HTRA1: variants seen among roughly 807,000 people sequenced by gnomAD.
HTRA1 encodes the protein HtrA serine peptidase 1, also known as serine protease HTRA1.
HTRA1 carries 26 observed loss-of-function variants against 49.7 expected under a neutral mutation model. The ratio of observed to expected loss-of-function variants is 0.52; its 90% CI spans 0.38 to 0.73. The LOEUF (loss-of-function observed/expected upper bound fraction) is 0.73, where lower values mean the gene tolerates loss of function less well. HTRA1 is among the 30% of genes least tolerant of loss of function. HTRA1 has a pLI of 0.00. For missense variants in HTRA1, 561 were observed against 667.2 expected, an observed-to-expected ratio of 0.84 and a Z score of 1.75; for synonymous variants, 291 against 286.9, an observed-to-expected ratio of 1.01 and a Z score of -0.14.
At chr10:122,468,402 GTCATCATCATCATCA>G (rs148200348) in intron 1 of HTRA1, among the ~76,000 whole-genome samples, 14 of 148,546 alleles carry the variant, frequency 9.4e-5, no homozygotes, top group African/African-American at 2.5e-4. Context: ...TGTTGTCATT[GTCATCATCATCATCA>G]TCATCATCAT....
At chr10:122,499,015 G>A (rs2097499832) in intron 3 of HTRA1, among the ~76,000 whole-genome samples, 1 of 152,020 alleles carries the variant, frequency 6.6e-6, no homozygotes, top group African/African-American at 2.4e-5. Context: ...TTCCAGCTTG[G>A]GCACCGCTTA....
rs573022453 is a variant in HTRA1, at chr10:122,464,196, C to T, written c.472+2072C>T. Among the ~76,000 whole-genome samples, 5 of 152,310 alleles carry T rather than the reference C, an allele frequency of 3.3e-5. No individual in the cohort carries two copies. The highest frequency in any genetic ancestry group is 1.2e-4 in the African/African-American group (5 of 41,556). On this transcript the variant is annotated intron_variant, in intron 1 of 8. Transcript: ENST00000368984. The surrounding 1 kb of genome is among the most constrained non-coding windows in gnomAD (Gnocchi z 4.8). Reference sequence around the variant, plus strand: ...CTGGTCTCGCTGTTTGTGGTCTCATCGCACGGGGTCCTGAGTTGCTGGCAC... The same window carrying T: ...CTGGTCTCGCTGTTTGTGGTCTCATTGCACGGGGTCCTGAGTTGCTGGCAC...
intron 3 of HTRA1, among the ~76,000 whole-genome samples, chr10:122,498,995 C>A (rs1410760367): frequency 6.6e-6 from 1 of 152,040 alleles, no homozygotes; most frequent in African/African-American, 2.4e-5. Context: ...AGGCACAGGG[C>A]AGTTCTAGGT....
intron 1 of HTRA1, among the ~76,000 whole-genome samples, chr10:122,486,573 T>G (rs2097493173): frequency 6.6e-6 from 1 of 152,138 alleles, no homozygotes; most frequent in Admixed American, 6.5e-5. Flanking sequence ...CTGTGCCCCA[T>G]GGTGTCAAGC....
chr10:122,500,336 G>T (rs2097500373), intron 3 of HTRA1, among the ~76,000 whole-genome samples: 1 of 152,234 alleles, frequency 6.6e-6, no homozygotes, highest in Non-Finnish European at 1.5e-5. Flanking sequence ...TGCCTGTTTG[G>T]ATCTTACTTA....
At chr10:122,463,509 T>C (rs1234178105) in intron 1 of HTRA1, among the ~76,000 whole-genome samples, 1 of 152,136 alleles carries the variant, frequency 6.6e-6, no homozygotes, top group Non-Finnish European at 1.5e-5. Context: ...TCTCTCTCTT[T>C]TTTTTTCTTA....
intron 6 of HTRA1, among the ~76,000 whole-genome samples, chr10:122,509,395 G>A (rs2097504574): frequency 6.6e-6 from 1 of 152,208 alleles, no homozygotes; most frequent in Non-Finnish European, 1.5e-5. Context: ...CTTCCAAGCT[G>A]AGGTCTGAGT....
At chr10:122,507,475 GTT>G in intron 5 of HTRA1, 73 bp downstream of exon 5, 1 of 1,138,794 alleles carries the variant, frequency 8.8e-7, no homozygotes, top group African/African-American at 1.5e-5. Flanking sequence ...TTGTTTGTTT[GTT>G]GTTTGTTTGT....
chr10:122,463,507 T>TC (rs2097482501), intron 1 of HTRA1, among the ~76,000 whole-genome samples: 2 of 151,284 alleles, frequency 1.3e-5, no homozygotes, highest in South Asian at 4.2e-4. Flanking sequence ...TCTCTCTCTC[T>TC]TTTTTTTTCT....
chr10:122,502,726 C>T (rs1369014659), intron 3 of HTRA1, among the ~76,000 whole-genome samples: 2 of 152,192 alleles, frequency 1.3e-5, no homozygotes, highest in Admixed American at 6.5e-5. Context: ...CTGTGCTGGG[C>T]TCACTGCAGA....
chr10:122,488,807 C>A, intron 1 of HTRA1, 95 bp from the exon 2 acceptor site: 2 of 969,974 alleles, frequency 2.1e-6, no homozygotes, highest in Non-Finnish European at 3.4e-6. Context: ...ATTCCAAAGG[C>A]TGGGCATGCA....
At chr10:122,463,838 A>G (rs972075354) in intron 1 of HTRA1, among the ~76,000 whole-genome samples, 1 of 152,184 alleles carries the variant, frequency 6.6e-6, no homozygotes, top group African/African-American at 2.4e-5. Context: ...CTGGACGTGC[A>G]TCCCCCTCAG....
chr10:122,481,775 C>T (rs1164488837), intron 1 of HTRA1, among the ~76,000 whole-genome samples: 2 of 152,176 alleles, frequency 1.3e-5, no homozygotes, highest in Non-Finnish European at 2.9e-5. Flanking sequence ...CTTTCCCGCA[C>T]TGTTCTCATG....
At chr10:122,485,019 T>G (rs2097492520) in intron 1 of HTRA1, among the ~76,000 whole-genome samples, 1 of 152,236 alleles carries the variant, frequency 6.6e-6, no homozygotes, top group South Asian at 2.1e-4. Flanking sequence ...CCAGGGTGTC[T>G]GTAGACCATC....
At position 122,483,466 on chromosome 10, in the gene HTRA1, CTTAG is replaced by C. The variant is rs772274415; in HGVS notation, c.473-5432_473-5429del. On this transcript the variant is annotated intron_variant, in intron 1 of 8. Coordinates refer to ENST00000368984, the MANE Select transcript of HTRA1 (RefSeq NM_002775.5). ...TGTTGTAACTTACCATTTTACAAAT[CTTAG>C]TTACTCAGTTTTTCTGCTTAAAAAT... is the stretch of plus-strand genomic sequence containing the variant. Among the ~76,000 whole-genome samples the C allele has an allele frequency of 6.6e-5, 10 of 152,282 alleles. No individual in the cohort carries two copies. In the South Asian group the frequency reaches 1.7e-3, roughly 25 times the overall value.
chr10:122,466,061 G>A (rs958384906), intron 1 of HTRA1, among the ~76,000 whole-genome samples: 1 of 152,168 alleles, frequency 6.6e-6, no homozygotes, highest in Non-Finnish European at 1.5e-5. Flanking sequence ...CCTGCTCCTG[G>A]TCTCACCCCA....
At chr10:122,504,758 C>T (rs2133448224) in intron 3 of HTRA1, among the ~76,000 whole-genome samples, 1 of 152,380 alleles carries the variant, frequency 6.6e-6, no homozygotes, top group South Asian at 2.1e-4. Flanking sequence ...GCTGCTGGCC[C>T]AGGCCCAGAG....
At chr10:122,485,855 C>T (rs951609303) in intron 1 of HTRA1, among the ~76,000 whole-genome samples, 3 of 152,212 alleles carry the variant, frequency 2.0e-5, no homozygotes, top group Non-Finnish European at 2.9e-5. Context: ...TGAAACACCA[C>T]GCTGTCTCTG....
intron 1 of HTRA1, among the ~76,000 whole-genome samples, chr10:122,484,957 C>T (rs192109169): frequency 6.6e-6 from 1 of 152,356 alleles, no homozygotes; most frequent in East Asian, 1.9e-4. Context: ...GGATTGACTC[C>T]TCTGGAAGGA....
Sources: gnomAD v4.1 joint callset for allele counts (sites outside exome capture counted in the v4.1 genomes callset) on GRCh38, gnomAD v4.1.1 for gene constraint, Gnocchi (gnomAD v3.1) non-coding constraint, MANE v1.5 for transcripts, NCBI Gene and HGNC (gene_info 2026-07-23, HGNC 2026-07-21) for gene names.